Variants in ANKS1B observed in about 807,000 individuals in gnomAD.
The protein encoded by ANKS1B is ankyrin repeat and sterile alpha motif domain containing 1B, also known as ankyrin repeat and sterile alpha motif domain-containing protein 1B.
A neutral mutation model predicts 148.3 loss-of-function variants in ANKS1B; 36 were observed. The observed-to-expected ratio is 0.24, with a 90% CI of 0.19 to 0.32. The LOEUF (loss-of-function observed/expected upper bound fraction) is 0.32. ANKS1B is among the 10% of genes least tolerant of loss of function. The pLI is 1.00. For missense variants in ANKS1B, 1,157 were observed against 1,542.6 expected (o/e 0.75, Z 4.19); for synonymous variants, 542 against 560.8 (o/e 0.97, Z 0.47).
chr12:99,294,222 C>T (rs958582121), intron 12 of ANKS1B, among the ~76,000 whole-genome samples: 2 of 152,198 alleles, frequency 1.3e-5, no homozygotes, highest in South Asian at 2.1e-4. Context: ...GATATCTGCA[C>T]TCCTACATTT....
In ANKS1B at chr12:99,087,130, C is replaced by T. The variant is rs577774970; in HGVS notation, c.2527-2107G>A. Among the ~76,000 whole-genome samples the T allele has an allele frequency of 2.6e-5, 4 of 152,322 alleles. No individual in the cohort carries two copies. The East Asian group carries it at 7.7e-4, about 29-fold the overall frequency. The stretch of plus-strand genomic sequence containing the variant: ...CTTGGGCAGTGAGTGGAACTTGATG[C>T]CTTTTCCTGCCATAATAAAGGAGGA... On this transcript the variant is annotated intron_variant, in intron 15 of 26. Coordinates refer to ENST00000683438, the MANE Select transcript of ANKS1B (RefSeq NM_001352186.2).
chr12:99,351,443 T>A (rs76523426), intron 12 of ANKS1B, among the ~76,000 whole-genome samples: 7 of 151,960 alleles, frequency 4.6e-5, no homozygotes, highest in African/African-American at 7.2e-5. Context: ...TTTTTTTTTT[T>A]ATTTTTGAGA....
chr12:99,884,061 AGGTTGGTGCAAAAGTAATTGC>A (rs1376476484), intron 1 of ANKS1B, among the ~76,000 whole-genome samples: 2 of 152,188 alleles, frequency 1.3e-5, no homozygotes, highest in Admixed American at 1.3e-4. Flanking sequence ...CATAGATACT[AGGTTGGTGCAAAAGTAATTGC>A]GGTTTTTGTG....
At chr12:99,553,821 C>T (rs1402106227) in intron 9 of ANKS1B, among the ~76,000 whole-genome samples, 5 of 152,116 alleles carry the variant, frequency 3.3e-5, no homozygotes, top group African/African-American at 9.7e-5. Flanking sequence ...TGACCCGAGG[C>T]CTTTAGGGCC....
intron 17 of ANKS1B, among the ~76,000 whole-genome samples, chr12:98,983,905 G>C (rs2099921808): frequency 6.6e-6 from 1 of 152,160 alleles, no homozygotes; most frequent in South Asian, 2.1e-4. Context: ...TTTTCATAAA[G>C]AGTAGATGAA....
In ANKS1B at chr12:99,246,588, C is replaced by T. The variant is rs1279084489; in HGVS notation, c.2033G>A (p.Ser678Asn). 1 of 1,613,466 alleles carries T rather than the reference C, an allele frequency of 6.2e-7. No homozygotes were observed. The highest frequency in any genetic ancestry group is 8.5e-7 in the Non-Finnish European group (1 of 1,179,668). The part of the protein sequence containing the change: ...VVSRTIFHKK[S>N]NQLENHTIVG... Reference sequence around the variant, plus strand: ...AATGGTATGGTTTTCGAGTTGGTTGCTTTTTTTGTGAAAAATTGTTCTACT... The same window carrying T: ...AATGGTATGGTTTTCGAGTTGGTTGTTTTTTTTGTGAAAAATTGTTCTACT... Residue 678 changes from serine (S) to asparagine (N), a missense_variant, in exon 13 of 27, where the codon AGC (serine) becomes AAC (asparagine). This residue lies in a region of ANKS1B where 661 missense variants were observed against 642.1 expected (regional missense o/e 1.03). Coordinates refer to ENST00000683438, the MANE Select transcript of ANKS1B (RefSeq NM_001352186.2).
intron 1 of ANKS1B, among the ~76,000 whole-genome samples, chr12:99,974,168 G>T (rs554629204): frequency 7.0e-4 from 106 of 152,286 alleles, no homozygotes; most frequent in Non-Finnish European, 1.1e-3. Flanking sequence ...CCAGCAAAAG[G>T]ATTACAACTT....
At chr12:98,764,470 C>T (rs554563569) in intron 25 of ANKS1B, among the ~76,000 whole-genome samples, 9 of 152,232 alleles carry the variant, frequency 5.9e-5, no homozygotes, top group African/African-American at 1.7e-4. Context: ...TCAAGTGATC[C>T]GCCCGCCTCA....
At chr12:99,480,770 T>C (rs10467009) in intron 10 of ANKS1B, among the ~76,000 whole-genome samples, 2,970 of 151,934 alleles carry the variant, frequency 0.02, 108 homozygotes, top group African/African-American at 0.066. Flanking sequence ...CTTTTGGTTG[T>C]TTTTGGCAAA....
chr12:99,794,707 G>A (rs1303186017), intron 4 of ANKS1B, among the ~76,000 whole-genome samples: 1 of 151,742 alleles, frequency 6.6e-6, no homozygotes, highest in African/African-American at 2.4e-5. Context: ...AGGGTAGTGG[G>A]GGCACAGGGG....
intron 12 of ANKS1B, among the ~76,000 whole-genome samples, chr12:99,266,394 C>CAA (rs1413486857): frequency 6.6e-6 from 1 of 152,058 alleles, no homozygotes; most frequent in Middle Eastern, 3.2e-3. Context: ...TGTTTTTTAT[C>CAA]CATTATCTTA....
rs369330210 is a variant in ANKS1B at position 98,800,987 on chromosome 12, G to A, written c.3270+10C>T. Reference sequence around the variant, plus strand: ...ACTTAGGCCCAAATACTGAATTGAGGGTAACTTACAAAAGCTTTGTAATCA... The same window carrying A: ...ACTTAGGCCCAAATACTGAATTGAGAGTAACTTACAAAAGCTTTGTAATCA... On this transcript the variant is annotated intron_variant, in intron 21 of 26. Coordinates refer to ENST00000683438, the MANE Select transcript of ANKS1B (RefSeq NM_001352186.2). 2.5e-4 allele frequency: 398 copies of A among 1,609,534 alleles called. 1 individual carries two copies. In the African/African-American group the frequency reaches 4.8e-3, roughly 20 times the overall value.
intron 17 of ANKS1B, among the ~76,000 whole-genome samples, chr12:98,876,306 C>T (rs1056048981): frequency 3.9e-5 from 6 of 152,188 alleles, no homozygotes; most frequent in Admixed American, 2.0e-4. Flanking sequence ...TACCCTCAAC[C>T]CTTTCTCAGG....
At chr12:99,440,202 A>C (rs1177062134) in intron 11 of ANKS1B, among the ~76,000 whole-genome samples, 2 of 151,822 alleles carry the variant, frequency 1.3e-5, no homozygotes, top group Admixed American at 1.3e-4. Flanking sequence ...GCAATGTTCT[A>C]TATTTTGTTT....
chr12:99,775,641 T>C lies in ANKS1B; in HGVS notation c.868A>G (p.Arg290Gly). ...LLQEYLEGVG[R>G]STVLEEPVQE... The stretch of plus-strand genomic sequence containing the variant: ...ACAGGCTCTTCGAGGACTGTAGATC[T>C]TCCCACGCCTTCTAAATACTCTGTG... The change falls in exon 7 of 27, where the codon AGA becomes GGA. Residue 290 changes from arginine (R) to glycine (G), a missense_variant. Arg to Gly is a moderately radical substitution (Grantham distance 125, BLOSUM62 -2). This residue lies in a region of ANKS1B where 661 missense variants were observed against 642.1 expected (regional missense o/e 1.03). Transcript: ENST00000683438. The C allele has an allele frequency of 6.2e-7, 1 of 1,606,608 alleles. No individual in the cohort carries two copies. The highest frequency in any genetic ancestry group is 8.5e-7 in the Non-Finnish European group (1 of 1,174,290).
At chr12:99,877,367 AT>A (rs2092180570) in intron 1 of ANKS1B, among the ~76,000 whole-genome samples, 1 of 151,938 alleles carries the variant, frequency 6.6e-6, no homozygotes, top group Admixed American at 6.6e-5. Context: ...CAGATAATCT[AT>A]TTTTCCCCAT....
chr12:99,086,842 G>A (rs891204441), intron 15 of ANKS1B, among the ~76,000 whole-genome samples: 4 of 152,058 alleles, frequency 2.6e-5, no homozygotes, highest in African/African-American at 9.7e-5. Flanking sequence ...ACACAAAAAC[G>A]CAAGAATAGA....
intron 17 of ANKS1B, among the ~76,000 whole-genome samples, chr12:98,882,401 T>C (rs1336990319): frequency 6.6e-6 from 1 of 152,160 alleles, no homozygotes; most frequent in Non-Finnish European, 1.5e-5. Context: ...AGATGTGCAG[T>C]ATAATTAGTC....
At chr12:99,903,393 T>G (rs2093667756) in intron 1 of ANKS1B, among the ~76,000 whole-genome samples, 2 of 152,142 alleles carry the variant, frequency 1.3e-5, no homozygotes, top group South Asian at 4.1e-4. Flanking sequence ...TCCTCTTCAG[T>G]AGGGACCCTG....
Sources: allele counts gnomAD v4.1 joint callset (sites outside exome capture counted in the v4.1 genomes callset), GRCh38; gene constraint gnomAD v4.1.1; regional missense constraint gnomAD v4.1.1; transcripts MANE v1.5; gene names NCBI Gene and HGNC (gene_info 2026-07-23, HGNC 2026-07-21).